The following SSBP2 variants were observed in gnomAD, a reference collection of about 807,000 sequenced individuals.
SSBP2 encodes the protein single stranded DNA binding protein 2.
SSBP2 carries 17 observed loss-of-function variants against 61.8 expected under a neutral mutation model. That is an observed-to-expected ratio of 0.28 (90% CI 0.19 to 0.41). The LOEUF is 0.41. Among genes scored for constraint, SSBP2 ranks in the 10% least tolerant of loss-of-function variants. SSBP2 has a pLI of 1.00. For synonymous variants in SSBP2, 139 were observed against 141.3 expected (o/e 0.98, Z 0.12); for missense variants, 310 against 458.7 (o/e 0.68, Z 2.96).
Position 81,416,623 on chromosome 5 carries a change from C to A in SSBP2, c.*3881G>T, listed in dbSNP as rs1239731230. The A allele has an allele frequency of 6.6e-6, 1 of 152,314 alleles. No homozygotes were observed. The highest frequency in any genetic ancestry group is 6.5e-5 in the Admixed American group (1 of 15,298). The allele number at this position is 152,314 out of a possible 1,614,324, so 9.4% of individuals were successfully genotyped here. A position where few individuals can be genotyped will look rare whatever the true frequency, so the allele number is the denominator to read the frequency against. Reference sequence around the variant, plus strand: ...CAATATGATGAAGAAAAGATATAGACAGATGTGGGACTTCTTCATGCCCCA... The same window carrying A: ...CAATATGATGAAGAAAAGATATAGAAAGATGTGGGACTTCTTCATGCCCCA... On this transcript the variant is annotated 3_prime_UTR_variant, in exon 17 of 17. Coordinates refer to ENST00000320672, the MANE Select transcript of SSBP2 (RefSeq NM_012446.5).
intron 1 of SSBP2, among the ~76,000 whole-genome samples, chr5:81,652,553 T>C (rs1749821612): frequency 6.6e-6 from 1 of 152,118 alleles, no homozygotes; most frequent in African/African-American, 2.4e-5. Flanking sequence ...AACAGGGTGA[T>C]GAAGTGGGAT....
intron 4 of SSBP2, among the ~76,000 whole-genome samples, chr5:81,585,559 A>G (rs559697241): frequency 1.4e-3 from 219 of 152,146 alleles, no homozygotes; most frequent in African/African-American, 5.0e-3. Context: ...GTGTGTATAT[A>G]TATATATATA....
chr5:81,592,155 C>T lies in SSBP2; in HGVS notation c.282+23318G>A, dbSNP rs543896162. 3.3e-4 allele frequency among the ~76,000 whole-genome samples: 50 copies of T among 152,344 alleles called. No individual in the cohort carries two copies. The South Asian group carries it at 9.7e-3, about 30-fold the overall frequency. On this transcript the variant is annotated intron_variant, in intron 4 of 16. Coordinates refer to ENST00000320672, the MANE Select transcript of SSBP2 (RefSeq NM_012446.5). Reference sequence around the variant, plus strand: ...CCACCCTAATACTGCGCTTTTCCAACAGGCTTAAAAAACAGCACACCAGGA... The same window carrying T: ...CCACCCTAATACTGCGCTTTTCCAATAGGCTTAAAAAACAGCACACCAGGA...
intron 4 of SSBP2, among the ~76,000 whole-genome samples, chr5:81,578,205 ATCAAG>A (rs372015585): frequency 6.6e-6 from 1 of 152,014 alleles, no homozygotes; most frequent in African/African-American, 2.4e-5. Flanking sequence ...TGGATTAACT[ATCAAG>A]TCAACAATAT....
chr5:81,449,173 A>C (rs1476257622), intron 10 of SSBP2, among the ~76,000 whole-genome samples: 1 of 152,170 alleles, frequency 6.6e-6, no homozygotes, highest in Non-Finnish European at 1.5e-5. Flanking sequence ...AATTTTTCAA[A>C]TTAGTAGTAT....
chr5:81,738,113 T>G (rs754477668), intron 1 of SSBP2, among the ~76,000 whole-genome samples: 1 of 152,146 alleles, frequency 6.6e-6, no homozygotes, highest in Non-Finnish European at 1.5e-5. Context: ...GGCCATACAT[T>G]AGTAGCAAAA....
At chr5:81,483,771 A>T in intron 6 of SSBP2, among the ~76,000 whole-genome samples, 1 of 151,898 alleles carries the variant, frequency 6.6e-6, no homozygotes, top group South Asian at 2.1e-4. Flanking sequence ...ATATACACAC[A>T]CACACACACA....
intron 1 of SSBP2, among the ~76,000 whole-genome samples, chr5:81,733,762 G>A (rs1459953502): frequency 6.6e-6 from 1 of 152,138 alleles, no homozygotes; most frequent in African/African-American, 2.4e-5. Flanking sequence ...TACAGTGGCT[G>A]TAGCAATATA....
chr5:81,488,640 T>C (rs958976454), intron 6 of SSBP2, among the ~76,000 whole-genome samples: 6 of 151,734 alleles, frequency 4.0e-5, no homozygotes, highest in African/African-American at 1.2e-4. Context: ...GCCATGCTGG[T>C]GTGCTGCACC....
chr5:81,445,927 T>C (rs1580704895), intron 12 of SSBP2, among the ~76,000 whole-genome samples: 1 of 152,322 alleles, frequency 6.6e-6, no homozygotes, highest in East Asian at 1.9e-4. Flanking sequence ...TTGCATTGAA[T>C]CATGAGATTT....
intron 5 of SSBP2, among the ~76,000 whole-genome samples, chr5:81,501,477 C>T (rs1767760745): frequency 6.7e-6 from 1 of 149,680 alleles, no homozygotes. Flanking sequence ...TTATACTTTA[C>T]TCTTTTTTGA....
At chr5:81,472,823 A>C (rs767386244) in intron 8 of SSBP2, among the ~76,000 whole-genome samples, 11 of 151,802 alleles carry the variant, frequency 7.2e-5, no homozygotes, top group Non-Finnish European at 1.3e-4. Flanking sequence ...CTGGTCTCAA[A>C]CTCCTGACCT....
At chr5:81,510,526 G>C (rs1401584652) in intron 5 of SSBP2, among the ~76,000 whole-genome samples, 3 of 152,130 alleles carry the variant, frequency 2.0e-5, no homozygotes, top group Non-Finnish European at 4.4e-5. Flanking sequence ...ACTTTGGGAG[G>C]CCAAGGCGGG....
intron 4 of SSBP2, among the ~76,000 whole-genome samples, chr5:81,544,037 A>T (rs1333976869): frequency 6.6e-6 from 1 of 151,930 alleles, no homozygotes; most frequent in Non-Finnish European, 1.5e-5. Context: ...CCAAACTTCC[A>T]CCTTTCTTTC....
chr5:81,613,520 C>T (rs1249580862), intron 4 of SSBP2, among the ~76,000 whole-genome samples: 1 of 152,200 alleles, frequency 6.6e-6, no homozygotes, highest in Non-Finnish European at 1.5e-5. Flanking sequence ...GAAAGAGCTG[C>T]TAAATTAGTT....
chr5:81,498,831 CTAGAG>C (rs1190297718), intron 5 of SSBP2, among the ~76,000 whole-genome samples: 1 of 152,028 alleles, frequency 6.6e-6, no homozygotes, highest in Non-Finnish European at 1.5e-5. Flanking sequence ...TGAAAAATCA[CTAGAG>C]TATTGTGACA....
At chr5:81,658,635 A>AT (rs1750430981) in intron 1 of SSBP2, among the ~76,000 whole-genome samples, 1 of 152,098 alleles carries the variant, frequency 6.6e-6, no homozygotes, top group Non-Finnish European at 1.5e-5. Flanking sequence ...CTAACGGCTG[A>AT]CTGTATAAGT....
chr5:81,649,634 G>A (rs1022403031), intron 2 of SSBP2, among the ~76,000 whole-genome samples: 3 of 152,006 alleles, frequency 2.0e-5, no homozygotes, highest in South Asian at 2.1e-4. Context: ...GTGAGAGGGA[G>A]GGAGGGGAAC....
chr5:81,574,717 G>A lies in SSBP2; in HGVS notation c.282+40756C>T, dbSNP rs62368676. On this transcript the variant is annotated intron_variant, in intron 4 of 16. Transcript: ENST00000320672. The stretch of plus-strand genomic sequence containing the variant: ...AGCCAAAAATAAAACAAACAAAACT[G>A]CATGTACAAGACTGACAGCTGGAAC... 5.5e-3 allele frequency among the ~76,000 whole-genome samples: 841 copies of A among 151,894 alleles called. 7 individuals are homozygous for A. The highest frequency in any genetic ancestry group is 9.5e-3 in the Non-Finnish European group (647 of 67,964).
Sources: allele counts gnomAD v4.1 joint callset (sites outside exome capture counted in the v4.1 genomes callset), GRCh38; gene constraint gnomAD v4.1.1; transcripts MANE v1.5; gene names NCBI Gene and HGNC (gene_info 2026-07-23, HGNC 2026-07-21).